GPR141: variants seen among roughly 807,000 people sequenced by gnomAD.
GPR141 encodes G protein-coupled receptor 141.
GPR141 carries 6 observed loss-of-function variants against 6.8 expected under a neutral mutation model. The ratio of observed to expected loss-of-function variants is 0.88; its 90% confidence interval spans 0.48 to 1.74. GPR141 has a LOEUF of 1.74. GPR141 is among the 40% of genes most tolerant of loss of function. GPR141 has a pLI of 0.01. For missense variants in GPR141, 372 were observed against 372.9 expected, an observed-to-expected ratio of 1.00 and a Z score of 0.02; for synonymous variants, 140 against 142.3, an observed-to-expected ratio of 0.98 and a Z score of 0.11.
Position 37,741,512 on chromosome 7 carries a change from G to A in GPR141, c.*201G>A, listed in dbSNP as rs1300275867. 1 of 510,392 alleles carries A rather than the reference G, an allele frequency of 2.0e-6. No homozygotes were observed. The highest frequency in any genetic ancestry group is 2.0e-5 in the African/African-American group (1 of 51,190). The allele number at this position is 510,392 out of a possible 1,614,324, so 31.6% of individuals were successfully genotyped here. A position where few individuals can be genotyped will look rare whatever the true frequency, so the allele number is the denominator to read the frequency against. ...CTGAGTGATGGCCGTACAAAGACCA[G>A]TGTTGTTGAATCCACCTGGAGTTGC... On this transcript the variant is annotated 3_prime_UTR_variant, in exon 3 of 3. Transcript: ENST00000334425.
intron 2 of GPR141, among the ~76,000 whole-genome samples, chr7:37,731,382 G>C (rs1242551457): frequency 6.6e-6 from 1 of 152,162 alleles, no homozygotes; most frequent in Non-Finnish European, 1.5e-5. Context: ...AGAACGAGGT[G>C]TCTCTCTGAA....
At chr7:37,729,516 C>A (rs1811808769) in intron 2 of GPR141, among the ~76,000 whole-genome samples, 1 of 152,174 alleles carries the variant, frequency 6.6e-6, no homozygotes, top group Non-Finnish European at 1.5e-5. Context: ...AACTCATGAC[C>A]ACTATTTAAA....
intron 2 of GPR141, among the ~76,000 whole-genome samples, chr7:37,728,302 A>C (rs766921946): frequency 1.1e-4 from 16 of 152,020 alleles, no homozygotes; most frequent in Non-Finnish European, 2.2e-4. Context: ...TGTTTTATTC[A>C]TTTCAGAATC....
At position 37,689,282 on chromosome 7, in the gene GPR141, T is replaced by G. The variant is rs1013193852; in HGVS notation, c.-15+3699T>G. Among the ~76,000 whole-genome samples the G allele has an allele frequency of 2.0e-5, 3 of 152,120 alleles. No homozygotes were observed. In the South Asian group the frequency reaches 6.2e-4, roughly 31 times the overall value. Reference sequence around the variant, plus strand: ...ATAATCTTTTTAATGTGCTGCCAGATTCCATTTACTAGTATTTTGTTGAGG... The same window carrying G: ...ATAATCTTTTTAATGTGCTGCCAGAGTCCATTTACTAGTATTTTGTTGAGG... On this transcript the variant is annotated intron_variant, in intron 2 of 2. Transcript: ENST00000334425.
rs550133020 is a variant in GPR141, at chr7:37,715,864, G to A, written c.-14-24516G>A. Among the ~76,000 whole-genome samples, 12 of 152,230 alleles carry A rather than the reference G, an allele frequency of 7.9e-5. No homozygotes were observed. The South Asian group carries it at 1.2e-3, about 16-fold the overall frequency. ...GCACACATTCCACTACCTAAAACAAGAGAATTTGCCTTTGACACCCTTCCT... is the reference window on the plus strand; with the variant it reads ...GCACACATTCCACTACCTAAAACAAAAGAATTTGCCTTTGACACCCTTCCT... On this transcript the variant is annotated intron_variant, in intron 2 of 2. Transcript: ENST00000334425.
chr7:37,701,119 T>C (rs1431668987), intron 2 of GPR141, among the ~76,000 whole-genome samples: 3 of 152,204 alleles, frequency 2.0e-5, no homozygotes, highest in Non-Finnish European at 4.4e-5. Context: ...ATTTGCAAAC[T>C]TGGGGACAAT....
At position 37,740,443 on chromosome 7, in the gene GPR141, C is replaced by T. The variant is rs1250139040; in HGVS notation, c.50C>T (p.Thr17Ile). The part of the protein sequence containing the change: ...SRNSSCDPIV[T>I]PHLISLYFIV... ...AATTCCTCTTGCGATCCTATAGTGA[C>T]ACCCCACTTAATCAGCCTCTACTTC... is the stretch of plus-strand genomic sequence containing the variant. Residue 17 changes from threonine (T) to isoleucine (I), a missense_variant, in exon 3 of 3, where the codon ACA (threonine) becomes ATA (isoleucine). Coordinates refer to ENST00000334425, the MANE Select transcript of GPR141 (RefSeq NM_001381946.1). The T allele has an allele frequency of 6.2e-7, 1 of 1,613,420 alleles. No homozygotes were observed. The highest frequency in any genetic ancestry group is 8.5e-7 in the Non-Finnish European group (1 of 1,179,550).
At chr7:37,718,559 A>AAAGAAGGAAGGAAGGAAGGAAT (rs1811162579) in intron 2 of GPR141, among the ~76,000 whole-genome samples, 1 of 140,946 alleles carries the variant, frequency 7.1e-6, no homozygotes, top group South Asian at 2.2e-4. Flanking sequence ...AAGGAAGGAA[A>AAAGAAGGAAGGAAGGAAGGAAT]GAAAGAAGGA....
intron 2 of GPR141, among the ~76,000 whole-genome samples, chr7:37,701,143 C>G (rs1397897097): frequency 6.6e-6 from 1 of 152,078 alleles, no homozygotes; most frequent in South Asian, 2.1e-4. Context: ...TCTTATGATT[C>G]GTTGTGATTT....
chr7:37,685,837 C>G (rs1809487374), intron 2 of GPR141, among the ~76,000 whole-genome samples: 1 of 149,018 alleles, frequency 6.7e-6, no homozygotes, highest in Non-Finnish European at 1.5e-5. Flanking sequence ...AGTTAAGGAC[C>G]ACAGGTCTAG....
At position 37,740,573 on chromosome 7, in the gene GPR141, G is replaced by T. The variant is rs1357299624; in HGVS notation, c.180G>T (p.Val60=). Residue 60 remains valine (V), a synonymous_variant, in exon 3 of 3, where the codon GTG becomes GTT. Coordinates refer to ENST00000334425, the MANE Select transcript of GPR141 (RefSeq NM_001381946.1). ...VTTMAVINLV[V]VHSVFLLTVP... is the part of the protein sequence containing the mutation. ...CCATGGCGGTCATTAACTTGGTGGT[G>T]GTCCACAGCGTTTTTCTGCTGACAG... The T allele has an allele frequency of 1.1e-5, 18 of 1,613,934 alleles. No individual in the cohort carries two copies. The highest frequency in any genetic ancestry group is 2.2e-5 in the East Asian group (1 of 44,896).
intron 2 of GPR141, among the ~76,000 whole-genome samples, chr7:37,730,501 C>T (rs2709100): frequency 0.079 from 12,000 of 152,272 alleles, 641 homozygotes; most frequent in Non-Finnish European, 0.11. Context: ...GAAAACAGAG[C>T]TTTTCGTTTG....
chr7:37,685,287 G>A (rs964780065), intron 1 of GPR141, 173 bp from the exon 2 acceptor site: 9 of 152,144 alleles, frequency 5.9e-5, no homozygotes, highest in African/African-American at 2.2e-4. Context: ...CTCTGAAATT[G>A]CATGCAAAAA....
At chr7:37,735,202 C>T (rs1033058310) in intron 2 of GPR141, among the ~76,000 whole-genome samples, 2 of 152,120 alleles carry the variant, frequency 1.3e-5, no homozygotes, top group Admixed American at 6.5e-5. Context: ...CAGTGGAGCA[C>T]AGCTGAGGCA....
At chr7:37,704,048 C>T (rs373504046) in intron 2 of GPR141, among the ~76,000 whole-genome samples, 3 of 152,138 alleles carry the variant, frequency 2.0e-5, no homozygotes, top group East Asian at 1.9e-4. Flanking sequence ...AACCCTGGGC[C>T]ATTTCAAACT....
intron 2 of GPR141, among the ~76,000 whole-genome samples, chr7:37,726,175 A>G (rs1027076298): frequency 1.9e-4 from 29 of 152,168 alleles, no homozygotes; most frequent in Non-Finnish European, 5.9e-5. Context: ...AAGTGAGATC[A>G]AAGGACAGAG....
chr7:37,740,097 G>C (rs1442805647), intron 2 of GPR141, among the ~76,000 whole-genome samples: 2 of 152,068 alleles, frequency 1.3e-5, no homozygotes, highest in Admixed American at 6.6e-5. Context: ...CAATCCTCCT[G>C]AAGTTTTATG....
intron 2 of GPR141, among the ~76,000 whole-genome samples, chr7:37,696,073 C>T (rs952933803): frequency 6.6e-6 from 1 of 152,102 alleles, no homozygotes; most frequent in South Asian, 2.1e-4. Flanking sequence ...CAGACAATTC[C>T]CCATATAAAC....
chr7:37,729,858 A>G (rs1811831720), intron 2 of GPR141: 1 of 152,244 alleles, frequency 6.6e-6, no homozygotes, highest in African/African-American at 2.4e-5. Flanking sequence ...GGCTTCTTGT[A>G]TTTGGAATGG....
Sources: allele counts gnomAD v4.1 joint callset (sites outside exome capture counted in the v4.1 genomes callset), GRCh38; gene constraint gnomAD v4.1.1; transcripts MANE v1.5; gene names NCBI Gene and HGNC (gene_info 2026-07-23, HGNC 2026-07-21).